Variants in SATL1 observed in about 807,000 individuals in gnomAD.
The protein encoded by SATL1 is spermidine/spermine N1-acetyl transferase like 1.
Under a neutral mutation model 51.8 loss-of-function variants are expected in SATL1, and 47 were observed. The observed-to-expected ratio is 0.91, with a 90% CI of 0.72 to 1.16. The LOEUF (loss-of-function observed/expected upper bound fraction) is 1.16, where lower values mean the gene tolerates loss of function less well. Among genes scored for constraint, SATL1 ranks in the 50% most tolerant of loss-of-function variants. The pLI is 0.00. For missense variants in SATL1, 520 were observed against 526.4 expected (o/e 0.99, Z 0.12); for synonymous variants, 176 against 182.4 (o/e 0.97, Z 0.28).
intron 2 of SATL1, among the ~76,000 whole-genome samples, chrX:85,205,935 A>G (rs981363599): frequency 3.6e-5 from 4 of 111,890 alleles, no homozygotes; most frequent in African/African-American, 9.7e-5. Context: ...TGTTTTATAA[A>G]TAGAACAAAC....
At chrX:85,223,385 A>G (rs1321505579) in intron 2 of SATL1, among the ~76,000 whole-genome samples, 2 of 111,481 alleles carry the variant, frequency 1.8e-5, no homozygotes, top group African/African-American at 6.5e-5. Context: ...TTTTTCTCAT[A>G]TGACCTCAAA....
chrX:85,145,249 C>A (rs1357585000), intron 2 of SATL1, among the ~76,000 whole-genome samples: 1 of 110,669 alleles, frequency 9.0e-6, no homozygotes, highest in Non-Finnish European at 1.9e-5. Flanking sequence ...TTATGTTGAC[C>A]CTATCTTTGG....
chrX:85,189,860 A>G (rs1320755932), intron 2 of SATL1, among the ~76,000 whole-genome samples: 2 of 112,128 alleles, frequency 1.8e-5, no homozygotes, highest in Non-Finnish European at 3.8e-5. Context: ...TTCTTTAGTC[A>G]TTTCTTTGCT....
intron 2 of SATL1, among the ~76,000 whole-genome samples, chrX:85,185,141 A>G (rs1927286113): frequency 8.9e-6 from 1 of 112,114 alleles, no homozygotes; most frequent in African/African-American, 3.2e-5. Flanking sequence ...ATTTCCCTGG[A>G]TTACCAGGCA....
intron 2 of SATL1, among the ~76,000 whole-genome samples, chrX:85,118,086 G>GTTTTTTTTTTTTTTTTTTTTTTTTT (rs780585183): frequency 2.6e-5 from 1 of 38,816 alleles, no homozygotes; most frequent in Non-Finnish European, 7.3e-5. Flanking sequence ...AAAGAACTTA[G>GTTTTTTTTTTTTTTTTTTTTTTTTT]CTTTTTTTTT....
intron 2 of SATL1, among the ~76,000 whole-genome samples, chrX:85,113,919 A>T (rs1925322471): frequency 9.0e-6 from 1 of 111,496 alleles, no homozygotes; most frequent in South Asian, 3.8e-4. Context: ...AGAAAGTGAC[A>T]TTCTTTACTT....
At chrX:85,155,762 A>G (rs1053374431) in intron 2 of SATL1, among the ~76,000 whole-genome samples, 1 of 111,689 alleles carries the variant, frequency 9.0e-6, no homozygotes, top group African/African-American at 3.2e-5. Context: ...TCCCTGCCCC[A>G]TAAATCACTG....
chrX:85,186,024 G>GT (rs1235494834), intron 2 of SATL1, among the ~76,000 whole-genome samples: 1 of 110,215 alleles, frequency 9.1e-6, no homozygotes, highest in Non-Finnish European at 1.9e-5. Flanking sequence ...GGATTCTTTA[G>GT]TTAGCAGGTG....
chrX:85,208,017 A>G (rs780449206), intron 2 of SATL1, among the ~76,000 whole-genome samples: 1 of 111,299 alleles, frequency 9.0e-6, no homozygotes, highest in South Asian at 3.8e-4. Context: ...CTCATCATTT[A>G]CATTAGGTGT....
chrX:85,242,778 A>G (rs181279081), intron 1 of SATL1, among the ~76,000 whole-genome samples: 16 of 111,434 alleles, frequency 1.4e-4, no homozygotes, highest in African/African-American at 4.6e-4. Context: ...TCTCTTATCT[A>G]TCTATTTATC....
intron 2 of SATL1, among the ~76,000 whole-genome samples, chrX:85,202,815 G>C (rs866688689): frequency 8.9e-6 from 1 of 111,740 alleles, no homozygotes; most frequent in African/African-American, 3.3e-5. Context: ...ACTGCAGCTT[G>C]TTGGAGGGGT....
intron 1 of SATL1, among the ~76,000 whole-genome samples, chrX:85,225,026 G>T (rs1928249538): frequency 9.0e-6 from 1 of 111,165 alleles, no homozygotes; most frequent in African/African-American, 3.3e-5. Flanking sequence ...ATCCCCAAAG[G>T]TTCCATACTG....
At chrX:85,193,869 A>T (rs182936464) in intron 2 of SATL1, among the ~76,000 whole-genome samples, 2 of 112,295 alleles carry the variant, frequency 1.8e-5, no homozygotes, top group African/African-American at 6.5e-5. Context: ...TTATGACTGC[A>T]TAGTATTCCA....
chrX:85,136,452 C>A (rs1925956923), intron 2 of SATL1, among the ~76,000 whole-genome samples: 1 of 111,643 alleles, frequency 9.0e-6, no homozygotes, highest in Non-Finnish European at 1.9e-5. Context: ...CTGAAGAAGA[C>A]TGAAAATATT....
At chrX:85,155,909 A>G (rs1360890122) in intron 2 of SATL1, among the ~76,000 whole-genome samples, 1 of 111,768 alleles carries the variant, frequency 8.9e-6, no homozygotes, top group Non-Finnish European at 1.9e-5. Context: ...TGTGAAATAT[A>G]CTGATGTCTG....
At chrX:85,151,333 A>T (rs1306043060) in intron 2 of SATL1, among the ~76,000 whole-genome samples, 1 of 111,592 alleles carries the variant, frequency 9.0e-6, no homozygotes, top group Non-Finnish European at 1.9e-5. Context: ...AAACAAATGG[A>T]AGAACATTCC....
At chrX:85,121,607 A>T (rs1370602557) in intron 2 of SATL1, among the ~76,000 whole-genome samples, 1 of 106,407 alleles carries the variant, frequency 9.4e-6, no homozygotes, top group African/African-American at 3.4e-5. Context: ...ACCTCCCTTA[A>T]GTCTTATTGA....
At chrX:85,116,789 G>A (rs1040310815) in intron 2 of SATL1, among the ~76,000 whole-genome samples, 2 of 110,682 alleles carry the variant, frequency 1.8e-5, no homozygotes, top group African/African-American at 3.3e-5. Context: ...ATAATAGGTA[G>A]TCTCTAAAAC....
intron 2 of SATL1, among the ~76,000 whole-genome samples, chrX:85,184,833 C>T (rs926549921): frequency 8.9e-6 from 1 of 111,849 alleles, no homozygotes; most frequent in Non-Finnish European, 1.9e-5. Context: ...TCACTGGTGC[C>T]TTATGTAGTT....
Sources: gnomAD v4.1 joint callset for allele counts (sites outside exome capture counted in the v4.1 genomes callset) on GRCh38, gnomAD v4.1.1 for gene constraint, MANE v1.5 for transcripts, NCBI Gene and HGNC (gene_info 2026-07-23, HGNC 2026-07-21) for gene names.